The following ASIC2 variants were observed in gnomAD, a reference collection of about 807,000 sequenced individuals.
ASIC2 encodes acid sensing ion channel subunit 2.
Under a neutral mutation model 57.3 loss-of-function variants are expected in ASIC2, and 25 were observed. The observed-to-expected ratio is 0.44, with a 90% CI of 0.32 to 0.61. The LOEUF (loss-of-function observed/expected upper bound fraction) is 0.61. ASIC2 is among the 20% of genes least tolerant of loss of function. The pLI, the probability that ASIC2 is intolerant of heterozygous loss-of-function variation, is 0.06. For missense variants in ASIC2, 641 were observed against 738.1 expected (o/e 0.87, Z 1.52); for synonymous variants, 319 against 307.5 (o/e 1.04, Z -0.39).
chr17:33,083,910 A>G (rs920194505), intron 3 of ASIC2, among the ~76,000 whole-genome samples: 1 of 152,090 alleles, frequency 6.6e-6, no homozygotes, highest in African/African-American at 2.4e-5. Context: ...GGGTTGAGGA[A>G]GGGGTACTAC....
chr17:33,103,072 A>C (rs141244331), intron 2 of ASIC2, among the ~76,000 whole-genome samples: 41 of 152,276 alleles, frequency 2.7e-4, no homozygotes, highest in Admixed American at 1.9e-3. Flanking sequence ...CCTGAGCCAC[A>C]GCACCCGGCC....
At chr17:33,579,678 T>C (rs1904341380) in intron 1 of ASIC2, among the ~76,000 whole-genome samples, 1 of 152,194 alleles carries the variant, frequency 6.6e-6, no homozygotes, top group Non-Finnish European at 1.5e-5. Context: ...GGCAGACTTC[T>C]AGAGTGAAGC....
intron 1 of ASIC2, chr17:34,038,117 T>C (rs1907960772): frequency 6.2e-7 from 1 of 1,612,796 alleles, no homozygotes; most frequent in Admixed American, 1.7e-5. Context: ...AATTTTTATC[T>C]CTCCACACCC....
intron 1 of ASIC2, among the ~76,000 whole-genome samples, chr17:33,528,640 A>G (rs1359612268): frequency 1.3e-5 from 2 of 152,024 alleles, no homozygotes; most frequent in East Asian, 3.9e-4. Context: ...CCCGCATCCA[A>G]CTCAAAAAGG....
At chr17:33,769,423 A>T (rs1015901112) in intron 1 of ASIC2, among the ~76,000 whole-genome samples, 1 of 152,186 alleles carries the variant, frequency 6.6e-6, no homozygotes, top group African/African-American at 2.4e-5. Flanking sequence ...CAGCAGGCCA[A>T]GTAGACGGAG....
intron 1 of ASIC2, among the ~76,000 whole-genome samples, chr17:33,117,007 G>A (rs2092283818): frequency 6.6e-6 from 1 of 152,012 alleles, no homozygotes; most frequent in Admixed American, 6.5e-5. Context: ...TCACCACCAT[G>A]TCTGGCTAAT....
At chr17:33,163,301 G>C (rs73982440) in intron 1 of ASIC2, among the ~76,000 whole-genome samples, 2,412 of 152,178 alleles carry the variant, frequency 0.016, 71 homozygotes, top group African/African-American at 0.053. Context: ...GTTAGCTTCT[G>C]TCCTAGAGGT....
intron 1 of ASIC2, among the ~76,000 whole-genome samples, chr17:33,851,673 ATATT>A (rs1169996058): frequency 6.6e-6 from 1 of 152,132 alleles, no homozygotes; most frequent in Non-Finnish European, 1.5e-5. Flanking sequence ...GCCTCGTAGG[ATATT>A]TAGCTCATCC....
At chr17:34,059,668 G>A (rs1908897590) in intron 1 of ASIC2, among the ~76,000 whole-genome samples, 1 of 152,182 alleles carries the variant, frequency 6.6e-6, no homozygotes, top group South Asian at 2.1e-4. Flanking sequence ...CGGTGAGAAT[G>A]CGACCAGCCC....
intron 1 of ASIC2, among the ~76,000 whole-genome samples, chr17:34,020,402 T>TATGGCTGA (rs1444858296): frequency 2.6e-5 from 4 of 152,068 alleles, no homozygotes; most frequent in Non-Finnish European, 5.9e-5. Context: ...AGTTCAAGAG[T>TATGGCTGA]ATGGCTGAGT....
intron 1 of ASIC2, among the ~76,000 whole-genome samples, chr17:33,514,186 C>T (rs531446769): frequency 6.6e-6 from 1 of 152,168 alleles, no homozygotes; most frequent in Non-Finnish European, 1.5e-5. Context: ...GCTGCATGCT[C>T]TAGCCTAATC....
chr17:33,710,724 G>A (rs564501119), intron 1 of ASIC2, among the ~76,000 whole-genome samples: 2 of 152,274 alleles, frequency 1.3e-5, no homozygotes, highest in East Asian at 1.9e-4. Flanking sequence ...GGAGAAGAAA[G>A]GTTGTGGTGT....
chr17:33,087,575 G>GTTTTTTTTTTTTTTTTTTTTT (rs5820015), intron 3 of ASIC2, among the ~76,000 whole-genome samples: 5 of 111,042 alleles, frequency 4.5e-5, no homozygotes, highest in African/African-American at 1.8e-4. Flanking sequence ...TACAACCAGT[G>GTTTTTTTTTTTTTTTTTTTTT]TTTTTTTTTT....
chr17:33,739,902 GAGAA>G (rs896199332), intron 1 of ASIC2, among the ~76,000 whole-genome samples: 19 of 113,204 alleles, frequency 1.7e-4, no homozygotes, highest in African/African-American at 5.4e-4. Context: ...AAAGAAAAAA[GAGAA>G]AGAAAGAAAA....
chr17:33,259,847 G>T (rs979570759), intron 1 of ASIC2, among the ~76,000 whole-genome samples: 2 of 152,128 alleles, frequency 1.3e-5, no homozygotes, highest in African/African-American at 4.8e-5. Flanking sequence ...AGAATGCTCT[G>T]GTTTGTGGGT....
chr17:33,541,773 T>A (rs1915418995), intron 1 of ASIC2, among the ~76,000 whole-genome samples: 1 of 152,108 alleles, frequency 6.6e-6, no homozygotes, highest in African/African-American at 2.4e-5. Context: ...CTCAAGCACA[T>A]CACTACTACA....
chr17:33,927,120 G>C (rs892307432), intron 1 of ASIC2, among the ~76,000 whole-genome samples: 1 of 152,062 alleles, frequency 6.6e-6, no homozygotes, highest in South Asian at 2.1e-4. Context: ...GTAGAGACAG[G>C]GTTTCACCAT....
At chr17:33,749,384 G>A (rs1910361873) in intron 1 of ASIC2, among the ~76,000 whole-genome samples, 3 of 151,990 alleles carry the variant, frequency 2.0e-5, no homozygotes, top group African/African-American at 7.3e-5. Flanking sequence ...GCACAGGAGT[G>A]CTGTCTAAGA....
At chr17:33,853,751 C>G (rs555346921) in intron 1 of ASIC2, among the ~76,000 whole-genome samples, 1 of 152,296 alleles carries the variant, frequency 6.6e-6, no homozygotes, top group Admixed American at 6.5e-5. Flanking sequence ...GAGGGTCTAG[C>G]ACCGAGCTTG....
Sources: gnomAD v4.1 joint callset for allele counts (sites outside exome capture counted in the v4.1 genomes callset) on GRCh38, gnomAD v4.1.1 for gene constraint, MANE v1.5 for transcripts, NCBI Gene and HGNC (gene_info 2026-07-23, HGNC 2026-07-21) for gene names.